The following GPC5 variants were observed in gnomAD, a reference collection of about 807,000 sequenced individuals.
GPC5 encodes the protein glypican-5.
A neutral mutation model predicts 53.9 loss-of-function variants in GPC5; 47 were observed. That is an observed-to-expected ratio of 0.87 (90% CI 0.69 to 1.11). The LOEUF (loss-of-function observed/expected upper bound fraction) is 1.11, where lower values mean the gene tolerates loss of function less well. Ranked by LOEUF, GPC5 falls within the 50% of genes most tolerant of loss-of-function variation. GPC5 has a pLI of 0.00. For missense variants in GPC5, 748 were observed against 713.1 expected, an observed-to-expected ratio of 1.05 and a Z score of -0.56; for synonymous variants, 286 against 263.3, an observed-to-expected ratio of 1.09 and a Z score of -0.84.
chr13:91,945,149 A>G (rs1249193120), intron 6 of GPC5, among the ~76,000 whole-genome samples: 1 of 152,140 alleles, frequency 6.6e-6, no homozygotes. Context: ...TCCTAATTCT[A>G]TCCTATGTTT....
intron 6 of GPC5, among the ~76,000 whole-genome samples, chr13:92,100,412 A>G (rs1358360084): frequency 6.6e-6 from 1 of 152,196 alleles, no homozygotes; most frequent in Admixed American, 6.5e-5. Context: ...AAAAAAATTT[A>G]AAAAGTTAAA....
intron 6 of GPC5, among the ~76,000 whole-genome samples, chr13:91,991,178 G>A (rs2040453068): frequency 6.6e-6 from 1 of 152,258 alleles, no homozygotes; most frequent in African/African-American, 2.4e-5. Flanking sequence ...TTACCTCATA[G>A]AATCATTGTA....
At chr13:92,651,171 A>T (rs1885945666) in intron 7 of GPC5, among the ~76,000 whole-genome samples, 1 of 151,842 alleles carries the variant, frequency 6.6e-6, no homozygotes, top group African/African-American at 2.4e-5. Context: ...TCCCCTTTAT[A>T]TATATATGTA....
intron 7 of GPC5, among the ~76,000 whole-genome samples, chr13:92,810,949 T>C (rs751930975): frequency 8.5e-5 from 13 of 152,080 alleles, no homozygotes; most frequent in Non-Finnish European, 1.5e-4. Context: ...CTTGATCTCC[T>C]GACCTCATGA....
At chr13:92,083,761 G>C (rs2041315125) in intron 6 of GPC5, among the ~76,000 whole-genome samples, 1 of 152,106 alleles carries the variant, frequency 6.6e-6, no homozygotes, top group Admixed American at 6.6e-5. Context: ...TTGCCACACT[G>C]TCTTCCACAA....
At chr13:92,457,461 A>G (rs4773685) in intron 7 of GPC5, among the ~76,000 whole-genome samples, 14,012 of 152,082 alleles carry the variant, frequency 0.092, 939 homozygotes, top group East Asian at 0.37. Context: ...AGGCATTCCC[A>G]TATGTCCACT....
At chr13:91,579,033 G>A (rs533091653) in intron 2 of GPC5, among the ~76,000 whole-genome samples, 3 of 152,246 alleles carry the variant, frequency 2.0e-5, no homozygotes, top group South Asian at 2.1e-4. Flanking sequence ...GTGACAAAAC[G>A]AAACCCTGTC....
At position 92,591,048 on chromosome 13, in the gene GPC5, A is replaced by C. The variant is rs572622453; in HGVS notation, c.1562-275234A>C. Among the ~76,000 whole-genome samples the C allele has an allele frequency of 8.8e-4, 134 of 152,326 alleles. 1 individual carries two copies. Among genetic ancestry groups the C allele is most frequent in the Middle Eastern group, 3.4e-3 (1 of 294 alleles). ...TAAAATTTAAAATTTAAAAGGATTA[A>C]ATTTTAATGCTAAAACAATGTAAGA... is the stretch of plus-strand genomic sequence containing the variant. On this transcript the variant is annotated intron_variant, in intron 7 of 7. Coordinates refer to ENST00000377067, the MANE Select transcript of GPC5 (RefSeq NM_004466.6).
At chr13:92,685,274 T>C (rs1170724969) in intron 7 of GPC5, among the ~76,000 whole-genome samples, 1 of 151,948 alleles carries the variant, frequency 6.6e-6, no homozygotes, top group East Asian at 1.9e-4. Flanking sequence ...TGTATTTTTT[T>C]AGTAGAGAAG....
intron 7 of GPC5, among the ~76,000 whole-genome samples, chr13:92,659,858 C>T (rs1049498076): frequency 6.6e-5 from 10 of 152,086 alleles, no homozygotes; most frequent in African/African-American, 2.2e-4. Context: ...GGAAGGAAGT[C>T]TATCAGAATG....
chr13:91,716,177 A>G (rs2036334541), intron 3 of GPC5, among the ~76,000 whole-genome samples: 1 of 152,106 alleles, frequency 6.6e-6, no homozygotes, highest in Admixed American at 6.6e-5. Context: ...ATTAGTTTTC[A>G]GTTTTTCATT....
At chr13:92,078,438 G>T (rs764678110) in intron 6 of GPC5, among the ~76,000 whole-genome samples, 1 of 152,176 alleles carries the variant, frequency 6.6e-6, no homozygotes, top group Non-Finnish European at 1.5e-5. Context: ...ACCTCCTGGG[G>T]TTAATGTGAG....
At position 92,347,894 on chromosome 13, in the gene GPC5, TATATATAATATATATATA is replaced by T. The variant is rs2043434806; in HGVS notation, c.1561+202913_1561+202930del. On this transcript the variant is annotated intron_variant, in intron 7 of 7. Coordinates refer to ENST00000377067, the MANE Select transcript of GPC5 (RefSeq NM_004466.6). Reference sequence around the variant, plus strand: ...TATATAATATATATTATATATATTATATATATAATATATATATAATATATATATATTATATATACATCT... The same window carrying T: ...TATATAATATATATTATATATATTATATATATATATATTATATATACATCT... Among the ~76,000 whole-genome samples, 2 of 9,756 alleles carry T rather than the reference TATATATAATATATATATA, an allele frequency of 2.1e-4. 1 individual carries two copies. The highest frequency in any genetic ancestry group is 4.2e-3 in the Admixed American group (2 of 474). The allele number at this position is 9,756 out of a possible 152,430, so 6.4% of individuals were successfully genotyped here.
chr13:92,579,834 TTCTCTC>T (rs150864096), intron 7 of GPC5, among the ~76,000 whole-genome samples: 1 of 150,890 alleles, frequency 6.6e-6, no homozygotes, highest in African/African-American at 2.4e-5. Flanking sequence ...CCTATAAGGT[TTCTCTC>T]TCTCTCTCTC....
chr13:91,782,358 A>C (rs2037811246), intron 5 of GPC5, among the ~76,000 whole-genome samples: 1 of 152,196 alleles, frequency 6.6e-6, no homozygotes, highest in Admixed American at 6.5e-5. Context: ...AAGAGGTTTA[A>C]TTGACTCACA....
At chr13:92,776,636 C>T (rs1316555604) in intron 7 of GPC5, among the ~76,000 whole-genome samples, 3 of 152,096 alleles carry the variant, frequency 2.0e-5, no homozygotes, top group African/African-American at 7.2e-5. Flanking sequence ...TTATATTTTC[C>T]AAATTTTATT....
intron 6 of GPC5, among the ~76,000 whole-genome samples, chr13:92,035,171 C>T (rs1278425587): frequency 6.7e-6 from 1 of 148,344 alleles, no homozygotes; most frequent in African/African-American, 2.5e-5. Flanking sequence ...GCAGAGATGG[C>T]GCCACTACAC....
In GPC5 at chr13:92,142,210, A is replaced by G. The variant is rs192433437; in HGVS notation, c.1402-2620A>G. 1.7e-3 allele frequency among the ~76,000 whole-genome samples: 258 copies of G among 152,212 alleles called. 2 individuals carry two copies. Among genetic ancestry groups the G allele is most frequent in the African/African-American group, 5.9e-3 (244 of 41,520 alleles). ...TTAAAGTATAATTTTTAAAAAAGGG[A>G]AAAAAATCATGTGGTTGCATTATTC... On this transcript the variant is annotated intron_variant, in intron 6 of 7. Transcript: ENST00000377067.
chr13:92,271,974 G>A (rs371136321), intron 7 of GPC5, among the ~76,000 whole-genome samples: 5 of 152,124 alleles, frequency 3.3e-5, no homozygotes, highest in South Asian at 2.1e-4. Flanking sequence ...ATAGGATGAC[G>A]GGAGTCAATC....
Sources: gnomAD v4.1 joint callset for allele counts (sites outside exome capture counted in the v4.1 genomes callset) on GRCh38, gnomAD v4.1.1 for gene constraint, MANE v1.5 for transcripts, NCBI Gene and HGNC (gene_info 2026-07-23, HGNC 2026-07-21) for gene names.